The following ADRA1B variants were observed in gnomAD, a reference collection of about 807,000 sequenced individuals.
ADRA1B encodes alpha-1B adrenergic receptor.
In ADRA1B, 17 loss-of-function variants were observed where a neutral mutation model predicts 17.9. The ratio of observed to expected loss-of-function variants is 0.95; its 90% CI spans 0.65 to 1.42. The LOEUF is 1.42. Among genes scored for constraint, ADRA1B ranks in the 40% most tolerant of loss-of-function variants. The pLI is 0.00. For missense variants in ADRA1B, 681 were observed against 722.1 expected (o/e 0.94, Z 0.65); for synonymous variants, 366 against 327.6 (o/e 1.12, Z -1.27).
chr5:159,950,701 T>G lies in ADRA1B; in HGVS notation c.950-21178T>G, dbSNP rs1009489898. The G allele has an allele frequency of 8.8e-5, 62 of 701,340 alleles. No individual in the cohort carries two copies. The African/African-American group carries it at 1.1e-3, about 12-fold the overall frequency. 43.4% of individuals were successfully genotyped at this position (701,340 alleles called of 1,614,324 possible). A position where few individuals can be genotyped will look rare whatever the true frequency, so the allele number is the denominator to read the frequency against. ...GCCCCAGATGCCCTTGGGGGGACAC[T>G]CCAATGCTCACTTCACCACCTTCTT... is the stretch of plus-strand genomic sequence containing the variant. On this transcript the variant is annotated intron_variant, in intron 1 of 1. Transcript: ENST00000306675.
At chr5:159,928,068 A>C (rs1754709738) in intron 1 of ADRA1B, among the ~76,000 whole-genome samples, 1 of 152,176 alleles carries the variant, frequency 6.6e-6, no homozygotes, top group Admixed American at 6.5e-5. Context: ...TTAGGGAATA[A>C]ATGATTAAAT....
In ADRA1B at chr5:159,916,629, A is replaced by C; in HGVS notation, c.-277A>C. Reference sequence around the variant, plus strand: ...CCCTCCTCCCCGCCGCTCCCCCGCGAGCCCGGCCAGGCGCGCCTGACGTGG... The same window carrying C: ...CCCTCCTCCCCGCCGCTCCCCCGCGCGCCCGGCCAGGCGCGCCTGACGTGG... On this transcript the variant is annotated 5_prime_UTR_variant, in exon 1 of 2. Transcript: ENST00000306675. The C allele has an allele frequency of 1.2e-5, 2 of 171,140 alleles. No homozygotes were observed. Among genetic ancestry groups the C allele is most frequent in the Non-Finnish European group, 2.4e-5 (2 of 83,404 alleles). The allele number at this position is 171,140 out of a possible 1,614,324, so 10.6% of individuals were successfully genotyped here.
rs1376143639 is a variant in ADRA1B, at chr5:159,971,903, C to T, written c.974C>T (p.Pro325Leu). Residue 325 changes from proline (P) to leucine (L), a missense_variant, in exon 2 of 2, where the codon CCC (proline) becomes CTC (leucine). Coordinates refer to ENST00000306675, the MANE Select transcript of ADRA1B (RefSeq NM_000679.4). Reference protein sequence around the residue: ...PLGSLFSTLKPPDAVFKVVFW... With the variant: ...PLGSLFSTLKLPDAVFKVVFW... ...GGCTCCTTGTTCTCCACCCTGAAGC[C>T]CCCCGACGCCGTGTTCAAGGTGGTG... The T allele has an allele frequency of 3.3e-6, 4 of 1,219,852 alleles. 1 individual carries two copies. Among genetic ancestry groups the T allele is most frequent in the African/African-American group, 3.2e-5 (2 of 62,164 alleles). The allele number at this position is 1,219,852 out of a possible 1,614,324, so 75.6% of individuals were successfully genotyped here.
At chr5:159,892,450 T>C (rs559013242) in intron 1 of ADRA1B, among the ~76,000 whole-genome samples, 1 of 152,208 alleles carries the variant, frequency 6.6e-6, no homozygotes, top group Non-Finnish European at 1.5e-5. Flanking sequence ...AAGCCCAGCA[T>C]CCACTAGCTA....
At chr5:159,895,772 A>G (rs967678271) in intron 1 of ADRA1B, among the ~76,000 whole-genome samples, 8 of 152,212 alleles carry the variant, frequency 5.3e-5, no homozygotes, top group Non-Finnish European at 7.3e-5. Context: ...TTCTTGTGCT[A>G]TATCTGCCCC....
chr5:159,972,395 G>A lies in ADRA1B; in HGVS notation c.1466G>A (p.Gly489Asp), dbSNP rs1755893096. The A allele has an allele frequency of 1.3e-6, 2 of 1,512,046 alleles. No individual in the cohort carries two copies. The highest frequency in any genetic ancestry group is 1.8e-6 in the Non-Finnish European group (2 of 1,136,226). The allele number at this position is 1,512,046 out of a possible 1,614,324, so 93.7% of individuals were successfully genotyped here. ...GAGCCCGAGAGCCCCGGGACCGACG[G>A]CGGCGCCAGCAACGGAGGCTGCGAG... ...LTEPESPGTD[G>D]GASNGGCEAA... The change falls in exon 2 of 2, where the codon GGC becomes GAC. Residue 489 changes from glycine (G) to aspartate (D), a missense_variant. Transcript: ENST00000306675.
intron 1 of ADRA1B, chr5:159,928,932 C>A (rs1171702614): frequency 6.6e-6 from 1 of 152,112 alleles, no homozygotes; most frequent in Non-Finnish European, 1.5e-5. Context: ...TTAATCAGCC[C>A]CCGGCATCAA....
chr5:159,979,009 A>C, the ADRA1B span, among the ~76,000 whole-genome samples: 1 of 152,198 alleles, frequency 6.6e-6, no homozygotes, highest in East Asian at 1.9e-4. Context: ...TGAAAATTTC[A>C]TTCTGAAAGG....
Position 159,916,658 on chromosome 5 carries a change from A to C in ADRA1B, c.-248A>C. The C allele has an allele frequency of 3.3e-6, 1 of 303,378 alleles. No individual in the cohort carries two copies. Among genetic ancestry groups the C allele is most frequent in the Non-Finnish European group, 6.1e-6 (1 of 163,708 alleles). 18.8% of individuals were successfully genotyped at this position (303,378 alleles called of 1,614,324 possible). ...CGGCCAGGCGCGCCTGACGTGGACC[A>C]TTAAACTTGGAGCTGCCGCCTCGTC... On this transcript the variant is annotated 5_prime_UTR_variant, in exon 1 of 2. Coordinates refer to ENST00000306675, the MANE Select transcript of ADRA1B (RefSeq NM_000679.4).
intron 1 of ADRA1B, among the ~76,000 whole-genome samples, chr5:159,905,828 A>G (rs1754156493): frequency 6.6e-6 from 1 of 152,046 alleles, no homozygotes; most frequent in Admixed American, 6.6e-5. Flanking sequence ...GACACTAGGC[A>G]AGAATAAACT....
intron 1 of ADRA1B, among the ~76,000 whole-genome samples, chr5:159,929,804 C>A (rs890492055): frequency 1.3e-5 from 2 of 152,038 alleles, no homozygotes; most frequent in Non-Finnish European, 2.9e-5. Flanking sequence ...ACACCCAACA[C>A]TCTCAGTATT....
intron 1 of ADRA1B, among the ~76,000 whole-genome samples, chr5:159,938,685 T>C (rs1755022224): frequency 6.6e-6 from 1 of 152,260 alleles, no homozygotes; most frequent in African/African-American, 2.4e-5. Flanking sequence ...ATTTGCATAG[T>C]TGAATGTAAT....
At chr5:159,944,948 G>A (rs561861341) in intron 1 of ADRA1B, among the ~76,000 whole-genome samples, 2 of 152,314 alleles carry the variant, frequency 1.3e-5, no homozygotes, top group South Asian at 4.2e-4. Flanking sequence ...ATATAAATAA[G>A]CATGTGATAT....
intron 1 of ADRA1B, among the ~76,000 whole-genome samples, chr5:159,907,034 G>A (rs1754169168): frequency 6.6e-6 from 1 of 152,202 alleles, no homozygotes; most frequent in Admixed American, 6.5e-5. Flanking sequence ...CCTCCAGTGA[G>A]ATGATTTATA....
At chr5:159,970,807 CGTT>C (rs2113297525) in intron 1 of ADRA1B, among the ~76,000 whole-genome samples, 1 of 152,276 alleles carries the variant, frequency 6.6e-6, no homozygotes, top group South Asian at 2.1e-4. Context: ...TTTTCGTTTT[CGTT>C]GTTGTTTTTG....
chr5:159,894,312 A>G (rs1305869505), intron 1 of ADRA1B, among the ~76,000 whole-genome samples: 1 of 152,250 alleles, frequency 6.6e-6, no homozygotes. Context: ...GCAATCCTTT[A>G]ACTAAAACGC....
the ADRA1B span, among the ~76,000 whole-genome samples, chr5:159,985,074 TG>T: frequency 6.6e-6 from 1 of 152,090 alleles, no homozygotes; most frequent in Non-Finnish European, 1.5e-5. Flanking sequence ...TTCAGCCACA[TG>T]GGTCCCCTTA....
chr5:159,921,660 C>A (rs1754484872), intron 1 of ADRA1B, among the ~76,000 whole-genome samples: 1 of 152,152 alleles, frequency 6.6e-6, no homozygotes, highest in African/African-American at 2.4e-5. Flanking sequence ...CTGGAAGGCA[C>A]CAGGAAGCCA....
At chr5:159,988,005 G>A in the ADRA1B span, among the ~76,000 whole-genome samples, 4 of 152,168 alleles carry the variant, frequency 2.6e-5, no homozygotes, top group African/African-American at 4.8e-5. Flanking sequence ...TGGCAAAGGG[G>A]ACTTTGCAGA....
Sources: gnomAD v4.1 joint callset for allele counts (sites outside exome capture counted in the v4.1 genomes callset) on GRCh38, gnomAD v4.1.1 for gene constraint, MANE v1.5 for transcripts, NCBI Gene and HGNC (gene_info 2026-07-23, HGNC 2026-07-21) for gene names.